SLC38A1: variants seen among roughly 807,000 people sequenced by gnomAD.
The protein encoded by SLC38A1 is solute carrier family 38 member 1.
Under a neutral mutation model 60.3 loss-of-function variants are expected in SLC38A1, and 18 were observed. That is an observed-to-expected ratio of 0.30 (90% CI 0.21 to 0.44). The LOEUF is 0.44. Ranked by LOEUF, SLC38A1 falls within the 20% of genes least tolerant of loss-of-function variation. SLC38A1 has a pLI of 1.00. For missense variants in SLC38A1, 448 were observed against 587.2 expected (o/e 0.76, Z 2.45); for synonymous variants, 196 against 212.1 (o/e 0.92, Z 0.66).
chr12:46,229,725 A>C, intron 3 of SLC38A1, 86 bp from the exon 4 acceptor site: 1 of 1,125,984 alleles, frequency 8.9e-7, no homozygotes, highest in Non-Finnish European at 1.3e-6. Context: ...ACTCATCAAA[A>C]CATACATGAA....
chr12:46,246,535 G>A (rs899283431), intron 1 of SLC38A1, among the ~76,000 whole-genome samples: 32 of 152,228 alleles, frequency 2.1e-4, no homozygotes, highest in South Asian at 6.2e-4. Context: ...CCACCACAGC[G>A]GAGCAAGGCT....
intron 5 of SLC38A1, among the ~76,000 whole-genome samples, chr12:46,228,231 T>C (rs1382863685): frequency 2.0e-5 from 3 of 152,204 alleles, no homozygotes; most frequent in Admixed American, 2.0e-4. Context: ...TGGATGGGCA[T>C]TTCTGTTCCT....
At chr12:46,250,875 C>T (rs142654007) in intron 1 of SLC38A1, among the ~76,000 whole-genome samples, 2,144 of 152,310 alleles carry the variant, frequency 0.014, 49 homozygotes, top group African/African-American at 0.048. Flanking sequence ...ATTCCATGCT[C>T]ATGGATAGGA....
chr12:46,212,047 G>A (rs1940194121), intron 5 of SLC38A1, among the ~76,000 whole-genome samples: 1 of 152,124 alleles, frequency 6.6e-6, no homozygotes, highest in Non-Finnish European at 1.5e-5. Context: ...TTAGAAAGAA[G>A]GAATATGTTG....
At chr12:46,230,511 G>C (rs1941034768) in intron 3 of SLC38A1, among the ~76,000 whole-genome samples, 1 of 152,158 alleles carries the variant, frequency 6.6e-6, no homozygotes, top group Admixed American at 6.5e-5. Context: ...GTTATTGGGA[G>C]ACTTAAATGA....
Position 46,249,168 on chromosome 12 carries a change from A to AAAAAAAAG in SLC38A1, c.-208-5862_-208-5855dup, listed in dbSNP as rs1555191155. On this transcript the variant is annotated intron_variant, in intron 1 of 16. Coordinates refer to ENST00000398637, the MANE Select transcript of SLC38A1 (RefSeq NM_030674.4). ...GAGACTCCGCCTCAAAAAAAAAAAA[A>AAAAAAAAG]AAAAAAAGAAACTCACTCAAAACCG... Among the ~76,000 whole-genome samples, 667 of 126,436 alleles carry AAAAAAAAG rather than the reference A, an allele frequency of 5.3e-3. 31 individuals carry two copies. The highest frequency in any genetic ancestry group is 0.013 in the Middle Eastern group (3 of 230). 82.9% of individuals were successfully genotyped at this position (126,436 alleles called of 152,430 possible). A position where few individuals can be genotyped will look rare whatever the true frequency, so the allele number is the denominator to read the frequency against.
In SLC38A1 at chr12:46,183,599, ATAT is replaced by A. The variant is rs1565740126; in HGVS notation, c.*5368_*5370del. On this transcript the variant is annotated 3_prime_UTR_variant, in exon 17 of 17. Transcript: ENST00000398637. ...ATTCTTCTCCCCAGCTTCTGTTTTC[ATAT>A]GTACTGTGTAGTGGTATCAGTGTTA... 51 of 152,310 alleles carry A rather than the reference ATAT, an allele frequency of 3.3e-4. No individual in the cohort carries two copies. The highest frequency in any genetic ancestry group is 1.1e-3 in the African/African-American group (45 of 41,584). 9.4% of individuals were successfully genotyped at this position (152,310 alleles called of 1,614,324 possible). A position where few individuals can be genotyped will look rare whatever the true frequency, so the allele number is the denominator to read the frequency against.
rs1163263429 is a variant in SLC38A1 at position 46,187,213 on chromosome 12, T to C, written c.*1757A>G. On this transcript the variant is annotated 3_prime_UTR_variant, in exon 17 of 17. Transcript: ENST00000398637. ...GCCTGCCTTATCTATGGGACAGTAG[T>C]GTGATTCTCAGTGAGAGTGAAGGCC... The C allele has an allele frequency of 6.6e-6, 1 of 152,134 alleles. No homozygotes were observed. The highest frequency in any genetic ancestry group is 2.4e-5 in the African/African-American group (1 of 41,434). The allele number at this position is 152,134 out of a possible 1,614,324, so 9.4% of individuals were successfully genotyped here.
intron 13 of SLC38A1, among the ~76,000 whole-genome samples, chr12:46,199,752 G>T (rs1285532031): frequency 6.6e-6 from 1 of 152,062 alleles, no homozygotes; most frequent in East Asian, 1.9e-4. Context: ...CATAGAGTAT[G>T]GAACTGCTCA....
At chr12:46,194,833 C>G (rs1281636949) in intron 16 of SLC38A1, among the ~76,000 whole-genome samples, 2 of 150,420 alleles carry the variant, frequency 1.3e-5, no homozygotes, top group Non-Finnish European at 3.0e-5. Context: ...TTCATCTAAC[C>G]TTTTTTTTTT....
intron 1 of SLC38A1, among the ~76,000 whole-genome samples, chr12:46,248,792 G>A (rs1030477151): frequency 6.6e-6 from 1 of 152,126 alleles, no homozygotes; most frequent in African/African-American, 2.4e-5. Context: ...CTCAGCAAAT[G>A]TAAAAGAACG....
At chr12:46,202,929 T>C in intron 12 of SLC38A1, 81 bp downstream of exon 12, 1 of 1,025,696 alleles carries the variant, frequency 9.7e-7, no homozygotes, top group Non-Finnish European at 1.5e-6. Context: ...ATTAGACAAG[T>C]CCGTTTATTT....
chr12:46,258,939 C>A lies in SLC38A1; in HGVS notation c.-209+9587G>T, dbSNP rs754619972. ...AAAGTGCTGGGATTACAGGCGTGAG[C>A]CACTGTGCCCAGCCAGGGTTTTGGA... On this transcript the variant is annotated intron_variant, in intron 1 of 16. Coordinates refer to ENST00000398637, the MANE Select transcript of SLC38A1 (RefSeq NM_030674.4). Among the ~76,000 whole-genome samples the A allele has an allele frequency of 3.3e-5, 5 of 152,196 alleles. No homozygotes were observed. The South Asian group carries it at 6.2e-4, about 19-fold the overall frequency.
chr12:46,249,526 C>CA (rs1436565423), intron 1 of SLC38A1, among the ~76,000 whole-genome samples: 3 of 152,138 alleles, frequency 2.0e-5, no homozygotes, highest in Admixed American at 6.5e-5. Flanking sequence ...AAAAACCCTT[C>CA]AAAAAATCAA....
intron 1 of SLC38A1, among the ~76,000 whole-genome samples, chr12:46,256,531 G>A (rs1476050051): frequency 2.6e-5 from 4 of 151,876 alleles, no homozygotes; most frequent in African/African-American, 9.7e-5. Flanking sequence ...CCAAGAGAAA[G>A]TACTGCCACG....
At chr12:46,246,879 C>G (rs1941639432) in intron 1 of SLC38A1, among the ~76,000 whole-genome samples, 1 of 152,184 alleles carries the variant, frequency 6.6e-6, no homozygotes, top group Non-Finnish European at 1.5e-5. Flanking sequence ...CTGGTGATAC[C>G]TGGGCAAACA....
chr12:46,240,371 A>G (rs1411936921), intron 2 of SLC38A1, among the ~76,000 whole-genome samples: 11 of 152,096 alleles, frequency 7.2e-5, no homozygotes, highest in Admixed American at 7.2e-4. Flanking sequence ...AAATTTTTGT[A>G]TTTTTAGTAG....
intron 1 of SLC38A1, among the ~76,000 whole-genome samples, chr12:46,256,728 C>G (rs1942043760): frequency 6.6e-6 from 1 of 151,988 alleles, no homozygotes; most frequent in African/African-American, 2.4e-5. Context: ...GGTTCCCTCT[C>G]CCTGAGACCT....
intron 5 of SLC38A1, among the ~76,000 whole-genome samples, chr12:46,217,402 C>T (rs1472295242): frequency 1.3e-5 from 2 of 152,176 alleles, no homozygotes; most frequent in African/African-American, 4.8e-5. Context: ...TGGAGCTTGT[C>T]TAAGGTGAGC....
Sources: allele counts gnomAD v4.1 joint callset (sites outside exome capture counted in the v4.1 genomes callset), GRCh38; gene constraint gnomAD v4.1.1; transcripts MANE v1.5; gene names NCBI Gene and HGNC (gene_info 2026-07-23, HGNC 2026-07-21).